Variants in HYCC1 observed in about 807,000 individuals in gnomAD.
HYCC1 encodes the protein hyccin.
At chr7:22,936,110 C>T in the HYCC1 span, 1 of 151,480 alleles carries the variant, frequency 6.6e-6, no homozygotes, top group Non-Finnish European at 1.5e-5. Flanking sequence ...TGGGGAAAAT[C>T]ATAATGGTGA....
chr7:22,925,837 C>T, the HYCC1 span, among the ~76,000 whole-genome samples: 1 of 152,132 alleles, frequency 6.6e-6, no homozygotes, highest in Non-Finnish European at 1.5e-5. Flanking sequence ...GAGAATGCTA[C>T]AAAGATACTC....
the HYCC1 span, among the ~76,000 whole-genome samples, chr7:23,002,161 TA>T: frequency 0.34 from 20,340 of 60,164 alleles, 1,925 homozygotes; most frequent in East Asian, 0.47. Flanking sequence ...TATATATATA[TA>T]TATATATATA....
At chr7:22,990,979 A>G in the HYCC1 span, 2 of 937,374 alleles carry the variant, frequency 2.1e-6, no homozygotes, top group Non-Finnish European at 3.5e-6. Flanking sequence ...TCAGTCATAT[A>G]AAATACAAAA....
chr7:22,994,972 T>C, the HYCC1 span, among the ~76,000 whole-genome samples: 1 of 152,160 alleles, frequency 6.6e-6, no homozygotes, highest in Non-Finnish European at 1.5e-5. Context: ...ATGGGTCCTC[T>C]GGAATTTACA....
chr7:22,974,322 C>T, the HYCC1 span, among the ~76,000 whole-genome samples: 1 of 152,230 alleles, frequency 6.6e-6, no homozygotes, highest in East Asian at 1.9e-4. Context: ...TAGACATTTA[C>T]AATATAATGA....
chr7:22,932,343 G>A, the HYCC1 span, among the ~76,000 whole-genome samples: 1 of 152,096 alleles, frequency 6.6e-6, no homozygotes, highest in Non-Finnish European at 1.5e-5. Flanking sequence ...TGCAGTAGAT[G>A]GGGTCATTAT....
the HYCC1 span, among the ~76,000 whole-genome samples, chr7:22,900,901 G>A: frequency 6.6e-6 from 1 of 151,948 alleles, no homozygotes; most frequent in Non-Finnish European, 1.5e-5. Context: ...TAAGTAAGAA[G>A]ACACAAATAG....
the HYCC1 span, among the ~76,000 whole-genome samples, chr7:22,920,709 T>C: frequency 4.6e-5 from 7 of 152,186 alleles, no homozygotes; most frequent in African/African-American, 1.7e-4. Context: ...TAAAAATATA[T>C]ACCGGCATAA....
the HYCC1 span, chr7:22,976,757 C>G: frequency 6.2e-7 from 1 of 1,613,782 alleles, no homozygotes. Context: ...TTTGACAAAC[C>G]ATGCTGGGAT....
chr7:23,000,442 A>C, the HYCC1 span, among the ~76,000 whole-genome samples: 1 of 152,092 alleles, frequency 6.6e-6, no homozygotes, highest in African/African-American at 2.4e-5. Context: ...AAACATGTAC[A>C]TATGTATATA....
the HYCC1 span, among the ~76,000 whole-genome samples, chr7:22,898,608 T>TC: frequency 6.6e-5 from 9 of 136,102 alleles, no homozygotes; most frequent in Admixed American, 2.2e-4. Context: ...TCTTTTCTTT[T>TC]TTTTTTTTTT....
the HYCC1 span, among the ~76,000 whole-genome samples, chr7:22,971,737 T>C: frequency 2.8e-5 from 4 of 143,438 alleles, no homozygotes; most frequent in African/African-American, 7.8e-5. Flanking sequence ...ACCAGGAGAA[T>C]AGAAAAAGGG....
At chr7:22,919,856 G>A in the HYCC1 span, among the ~76,000 whole-genome samples, 1 of 151,658 alleles carries the variant, frequency 6.6e-6, no homozygotes, top group Non-Finnish European at 1.5e-5. Context: ...AATATCAGAA[G>A]AAGGAAAAAG....
chr7:22,949,163 C>G, the HYCC1 span, among the ~76,000 whole-genome samples: 2 of 151,982 alleles, frequency 1.3e-5, no homozygotes, highest in Non-Finnish European at 2.9e-5. Flanking sequence ...GAATACAGAA[C>G]AATACTTACA....
At chr7:22,924,370 G>A in the HYCC1 span, among the ~76,000 whole-genome samples, 9 of 152,202 alleles carry the variant, frequency 5.9e-5, no homozygotes, top group African/African-American at 1.2e-4. Context: ...TGTGTGAGCC[G>A]AAGCAGGGCG....
chr7:22,939,910 T>C, the HYCC1 span: 2 of 152,178 alleles, frequency 1.3e-5, no homozygotes, highest in African/African-American at 4.8e-5. Flanking sequence ...CACAATAACA[T>C]AATGCAAAGA....
chr7:22,922,797 C>T, the HYCC1 span, among the ~76,000 whole-genome samples: 1 of 151,800 alleles, frequency 6.6e-6, no homozygotes, highest in African/African-American at 2.4e-5. Flanking sequence ...GACTTTAAAA[C>T]AAAAAAGCAC....
chr7:22,909,396 T>C, the HYCC1 span, among the ~76,000 whole-genome samples: 1 of 152,310 alleles, frequency 6.6e-6, no homozygotes, highest in African/African-American at 2.4e-5. Context: ...ATGTTTTCTG[T>C]ACAGCCTGCA....
chr7:22,999,234 T>C, the HYCC1 span, among the ~76,000 whole-genome samples: 1 of 152,236 alleles, frequency 6.6e-6, no homozygotes, highest in African/African-American at 2.4e-5. Flanking sequence ...CAAATTATTT[T>C]ACATTTAATA....
Sources: allele counts gnomAD v4.1 joint callset (sites outside exome capture counted in the v4.1 genomes callset), GRCh38; gene constraint gnomAD v4.1.1; transcripts MANE v1.5; gene names NCBI Gene and HGNC (gene_info 2026-07-23, HGNC 2026-07-21).